GALNT13: variants seen among roughly 807,000 people sequenced by gnomAD.
GALNT13 encodes the protein UDP-GalNAc:polypeptide N-acetylgalactosaminyltransferase 13.
A neutral mutation model predicts 64.2 loss-of-function variants in GALNT13; 28 were observed. The ratio of observed to expected loss-of-function variants is 0.44; its 90% CI spans 0.32 to 0.60. The LOEUF is 0.60. GALNT13 is among the 20% of genes least tolerant of loss of function. GALNT13 has a pLI of 0.05. For synonymous variants in GALNT13, 214 were observed against 224.6 expected (o/e 0.95, Z 0.42); for missense variants, 577 against 669.8 (o/e 0.86, Z 1.53).
intron 3 of GALNT13, among the ~76,000 whole-genome samples, chr2:153,981,150 G>T (rs1473983726): frequency 6.6e-6 from 1 of 151,958 alleles, no homozygotes; most frequent in Non-Finnish European, 1.5e-5. Flanking sequence ...CTAAATACTA[G>T]ATTGGAGCTA....
intron 3 of GALNT13, among the ~76,000 whole-genome samples, chr2:154,059,125 C>T (rs190215100): frequency 1.6e-3 from 242 of 152,250 alleles, no homozygotes; most frequent in Middle Eastern, 3.4e-3. Context: ...GGATTTGGAA[C>T]CTAAGCAACT....
intron 3 of GALNT13, among the ~76,000 whole-genome samples, chr2:153,978,816 G>T (rs1320190102): frequency 2.6e-5 from 4 of 152,068 alleles, no homozygotes; most frequent in Non-Finnish European, 5.9e-5. Flanking sequence ...CACACAGGCA[G>T]TCCCAGCTAC....
At chr2:153,246,462 C>G in the GALNT13 span, among the ~76,000 whole-genome samples, 1 of 152,124 alleles carries the variant, frequency 6.6e-6, no homozygotes, top group East Asian at 1.9e-4. Flanking sequence ...TGCAGAAAAC[C>G]CACAAGCAAG....
chr2:153,323,089 AGTT>A, the GALNT13 span, among the ~76,000 whole-genome samples: 1 of 152,240 alleles, frequency 6.6e-6, no homozygotes, highest in South Asian at 2.1e-4. Flanking sequence ...CTTCCACAAT[AGTT>A]GAACTAATTT....
the GALNT13 span, among the ~76,000 whole-genome samples, chr2:153,206,230 C>T: frequency 6.6e-6 from 1 of 151,950 alleles, no homozygotes; most frequent in Non-Finnish European, 1.5e-5. Context: ...GTTTACTTTG[C>T]ACAGAATTTG....
the GALNT13 span, among the ~76,000 whole-genome samples, chr2:153,700,166 C>A: frequency 6.6e-6 from 1 of 152,164 alleles, no homozygotes; most frequent in Admixed American, 6.5e-5. Flanking sequence ...TGGCTTCATC[C>A]CTGGGATGCA....
chr2:153,277,928 T>TTTTC, the GALNT13 span, among the ~76,000 whole-genome samples: 1 of 69,224 alleles, frequency 1.4e-5, no homozygotes, highest in Non-Finnish European at 2.8e-5. Flanking sequence ...CTTTTCTTTC[T>TTTTC]TTTTTTTTTT....
intron 8 of GALNT13, among the ~76,000 whole-genome samples, chr2:154,290,797 C>T (rs1245650934): frequency 2.0e-5 from 3 of 152,088 alleles, no homozygotes; most frequent in African/African-American, 7.2e-5. Flanking sequence ...TCGGACGTGT[C>T]TAGAGTTTCC....
the GALNT13 span, among the ~76,000 whole-genome samples, chr2:153,672,870 G>A: frequency 1.3e-5 from 2 of 150,804 alleles, no homozygotes; most frequent in Non-Finnish European, 2.9e-5. Flanking sequence ...AAATGATAAA[G>A]GGGATATCAC....
At position 154,229,768 on chromosome 2, in the gene GALNT13, G is replaced by A. The variant is rs567283019; in HGVS notation, c.312-12262G>A. 2.4e-4 allele frequency among the ~76,000 whole-genome samples: 36 copies of A among 152,162 alleles called. 1 individual carries two copies. The South Asian group carries it at 3.9e-3, about 17-fold the overall frequency. ...AAAGCATGAGAGGGCTTTGTTCCCT[G>A]AAGAAACATTGATATGTTCAACATT... On this transcript the variant is annotated intron_variant, in intron 4 of 12. Coordinates refer to ENST00000392825, the MANE Select transcript of GALNT13 (RefSeq NM_052917.4).
At chr2:153,314,307 G>A in the GALNT13 span, among the ~76,000 whole-genome samples, 1 of 152,014 alleles carries the variant, frequency 6.6e-6, no homozygotes, top group African/African-American at 2.4e-5. Context: ...ATCAAACATA[G>A]CATATTATGC....
the GALNT13 span, among the ~76,000 whole-genome samples, chr2:153,570,012 T>C: frequency 2.6e-5 from 4 of 152,264 alleles, no homozygotes; most frequent in South Asian, 6.2e-4. Context: ...CAAACTGTTA[T>C]TCATAGTGGT....
the GALNT13 span, among the ~76,000 whole-genome samples, chr2:153,711,250 T>A: frequency 6.6e-6 from 1 of 152,128 alleles, no homozygotes; most frequent in Non-Finnish European, 1.5e-5. Context: ...TATGGCTTTA[T>A]AACATGCATA....
the GALNT13 span, among the ~76,000 whole-genome samples, chr2:153,360,413 C>T: frequency 6.6e-6 from 1 of 152,224 alleles, no homozygotes; most frequent in African/African-American, 2.4e-5. Flanking sequence ...ATCTGAACTC[C>T]TTGGGGGAGG....
intron 3 of GALNT13, among the ~76,000 whole-genome samples, chr2:154,070,576 T>C (rs1700687465): frequency 6.6e-6 from 1 of 152,160 alleles, no homozygotes; most frequent in Non-Finnish European, 1.5e-5. Flanking sequence ...AATGATCTAC[T>C]ATCTTCTCCT....
chr2:154,336,030 T>A (rs1264689178), intron 9 of GALNT13, among the ~76,000 whole-genome samples: 1 of 152,082 alleles, frequency 6.6e-6, no homozygotes, highest in Non-Finnish European at 1.5e-5. Context: ...AAAATGCATA[T>A]ACCTATTAGG....
intron 11 of GALNT13, among the ~76,000 whole-genome samples, chr2:154,426,764 G>A (rs1411282060): frequency 6.6e-6 from 1 of 152,174 alleles, no homozygotes; most frequent in Non-Finnish European, 1.5e-5. Context: ...TAACAATGAA[G>A]TAGAATAGAA....
intron 3 of GALNT13, among the ~76,000 whole-genome samples, chr2:153,999,843 A>G (rs1392107008): frequency 6.6e-6 from 1 of 151,970 alleles, no homozygotes; most frequent in East Asian, 1.9e-4. Flanking sequence ...ATGAGTTTGA[A>G]AATATTCCCT....
At chr2:153,324,014 T>G in the GALNT13 span, among the ~76,000 whole-genome samples, 1 of 152,316 alleles carries the variant, frequency 6.6e-6, no homozygotes, top group South Asian at 2.1e-4. Context: ...AGTTTTTTTC[T>G]AATTCAGTGA....
Sources: gnomAD v4.1 joint callset for allele counts (sites outside exome capture counted in the v4.1 genomes callset) on GRCh38, gnomAD v4.1.1 for gene constraint, MANE v1.5 for transcripts, NCBI Gene and HGNC (gene_info 2026-07-23, HGNC 2026-07-21) for gene names.